MYO3B: variants seen among roughly 807,000 people sequenced by gnomAD.
MYO3B encodes the protein myosin-IIIb.
A neutral mutation model predicts 174.6 loss-of-function variants in MYO3B; 156 were observed. The observed-to-expected ratio is 0.89, with a 90% CI of 0.78 to 1.02. The LOEUF (loss-of-function observed/expected upper bound fraction) is 1.02. Ranked by LOEUF, MYO3B falls within the 50% of genes least tolerant of loss-of-function variation. The pLI, the probability that MYO3B is intolerant of heterozygous loss-of-function variation, is 0.00. For missense variants in MYO3B, 1,632 were observed against 1,639.4 expected, an observed-to-expected ratio of 1.00 and a Z score of 0.08; for synonymous variants, 563 against 569.1, an observed-to-expected ratio of 0.99 and a Z score of 0.15.
chr2:170,498,734 C>A, intron 26 of MYO3B, 31 bp downstream of exon 26: 2 of 1,396,942 alleles, frequency 1.4e-6, no homozygotes, highest in Non-Finnish European at 2.0e-6. Flanking sequence ...CAAATTGTCC[C>A]GTATGATTTC....
intron 8 of MYO3B, among the ~76,000 whole-genome samples, chr2:170,365,989 G>A (rs2094195231): frequency 6.6e-6 from 1 of 152,126 alleles, no homozygotes; most frequent in African/African-American, 2.4e-5. Flanking sequence ...TCTTTGTTTT[G>A]CGTTAAATGA....
intron 22 of MYO3B, among the ~76,000 whole-genome samples, chr2:170,426,870 T>A (rs1213887910): frequency 6.6e-6 from 1 of 151,792 alleles, no homozygotes; most frequent in Non-Finnish European, 1.5e-5. Context: ...ATACAAAAAA[T>A]TAGCCAGGCG....
At chr2:170,624,636 C>A (rs1473650733) in intron 32 of MYO3B, among the ~76,000 whole-genome samples, 2 of 152,140 alleles carry the variant, frequency 1.3e-5, no homozygotes, top group African/African-American at 2.4e-5. Flanking sequence ...GCATCCTTGT[C>A]TTGTGCCAGC....
intron 8 of MYO3B, among the ~76,000 whole-genome samples, chr2:170,337,324 C>G (rs796947065): frequency 9.9e-5 from 15 of 152,222 alleles, no homozygotes; most frequent in African/African-American, 3.4e-4. Context: ...TTTTCCTTTT[C>G]ATTTCATTGC....
In MYO3B at chr2:170,542,832, A is replaced by G. The variant is rs1690205645; in HGVS notation, c.3576-74A>G. 2.5e-6 allele frequency: 3 copies of G among 1,180,122 alleles called. No individual in the cohort carries two copies. In the Admixed American group the frequency reaches 6.4e-5, roughly 25 times the overall value. The allele number at this position is 1,180,122 out of a possible 1,614,324, so 73.1% of individuals were successfully genotyped here. A position where few individuals can be genotyped will look rare whatever the true frequency, so the allele number is the denominator to read the frequency against. ...GTATGTTTTGATATATCTTTGAAGA[A>G]AAACAGTCCTCTCTAAGTTTTTCTA... On this transcript the variant is annotated intron_variant, in intron 30 of 34. Transcript: ENST00000408978.
At chr2:170,454,340 A>G (rs1683785474) in intron 23 of MYO3B, among the ~76,000 whole-genome samples, 1 of 152,180 alleles carries the variant, frequency 6.6e-6, no homozygotes, top group Admixed American at 6.5e-5. Context: ...TCAGACACCG[A>G]TAATGGGGCT....
At chr2:170,312,664 TAGCTA>T (rs1455272822) in intron 7 of MYO3B, among the ~76,000 whole-genome samples, 1 of 152,242 alleles carries the variant, frequency 6.6e-6, no homozygotes, top group East Asian at 1.9e-4. Flanking sequence ...ATTTTGCAAT[TAGCTA>T]AGGATAAGGG....
intron 7 of MYO3B, among the ~76,000 whole-genome samples, chr2:170,264,186 C>T (rs1301098033): frequency 6.6e-6 from 1 of 152,210 alleles, no homozygotes; most frequent in Non-Finnish European, 1.5e-5. Flanking sequence ...AAAATGGAGT[C>T]TCTTATGTCT....
At chr2:170,280,800 A>G (rs958331603) in intron 7 of MYO3B, among the ~76,000 whole-genome samples, 1 of 151,880 alleles carries the variant, frequency 6.6e-6, no homozygotes. Flanking sequence ...GTGCGGCCTT[A>G]TTTCTGGGCT....
intron 28 of MYO3B, among the ~76,000 whole-genome samples, chr2:170,506,709 A>C (rs1687642576): frequency 6.6e-6 from 1 of 152,202 alleles, no homozygotes; most frequent in East Asian, 1.9e-4. Context: ...AAAGAGTACA[A>C]ATTATTATAA....
chr2:170,573,848 C>G (rs1299241176), intron 32 of MYO3B, among the ~76,000 whole-genome samples: 2 of 152,014 alleles, frequency 1.3e-5, no homozygotes, highest in African/African-American at 2.4e-5. Flanking sequence ...TTTTTCCCTC[C>G]CTAGTCATTC....
chr2:170,624,512 C>A (rs1173425526), intron 32 of MYO3B, among the ~76,000 whole-genome samples: 1 of 152,192 alleles, frequency 6.6e-6, no homozygotes, highest in Non-Finnish European at 1.5e-5. Flanking sequence ...CATCTGCAAA[C>A]AGGGACGATT....
At chr2:170,326,262 T>C (rs924231879) in intron 7 of MYO3B, among the ~76,000 whole-genome samples, 1 of 152,124 alleles carries the variant, frequency 6.6e-6, no homozygotes, top group Non-Finnish European at 1.5e-5. Flanking sequence ...CAGAATTTGA[T>C]GATGGAAAAG....
At chr2:170,646,947 T>C (rs575024538) in intron 32 of MYO3B, 2 of 1,344,156 alleles carry the variant, frequency 1.5e-6, no homozygotes, top group Middle Eastern at 2.1e-4. Context: ...TGGGTATATA[T>C]CTTTCAATTG....
chr2:170,380,824 G>A (rs924535291), intron 9 of MYO3B, among the ~76,000 whole-genome samples: 2 of 152,120 alleles, frequency 1.3e-5, no homozygotes, highest in Non-Finnish European at 2.9e-5. Context: ...GATCAACATA[G>A]GACTGAGTAG....
At chr2:170,187,700 G>A (rs1012533335) in intron 1 of MYO3B, among the ~76,000 whole-genome samples, 1 of 152,046 alleles carries the variant, frequency 6.6e-6, no homozygotes, top group Non-Finnish European at 1.5e-5. Context: ...ACACTTTTAT[G>A]TTTCCTTCTT....
At position 170,200,189 on chromosome 2, in the gene MYO3B, C is replaced by A. The variant is rs760413801; in HGVS notation, c.226C>A (p.Gln76Lys). The change falls in exon 3 of 35, where the codon CAG (glutamine) becomes AAG (lysine). Residue 76 changes from glutamine (Q) to lysine (K), a missense_variant. By Grantham distance (53) the Gln-to-Lys change is moderately conservative. Transcript: ENST00000408978. Reference protein sequence around the residue: ...EEIEAEYNILQFLPNHPNVVK... With the variant: ...EEIEAEYNILKFLPNHPNVVK... ...AATTGAGGCAGAATACAACATTTTGCAGTTCCTTCCTAATCATCCCAATGT... is the reference window on the plus strand; with the variant it reads ...AATTGAGGCAGAATACAACATTTTGAAGTTCCTTCCTAATCATCCCAATGT... The A allele has an allele frequency of 6.2e-7, 1 of 1,613,416 alleles. No individual in the cohort carries two copies. Among genetic ancestry groups the A allele is most frequent in the South Asian group, 1.1e-5 (1 of 91,004 alleles).
intron 25 of MYO3B, among the ~76,000 whole-genome samples, chr2:170,482,026 T>G (rs889134654): frequency 6.6e-6 from 1 of 152,190 alleles, no homozygotes; most frequent in Non-Finnish European, 1.5e-5. Context: ...TCCCATGTGT[T>G]GTGGGAGGAA....
chr2:170,366,231 G>A (rs1276210756), intron 8 of MYO3B, among the ~76,000 whole-genome samples: 7 of 152,070 alleles, frequency 4.6e-5, no homozygotes, highest in East Asian at 3.8e-4. Context: ...GGTTTATCAC[G>A]CAGACATTCA....
Sources: allele counts gnomAD v4.1 joint callset (sites outside exome capture counted in the v4.1 genomes callset), GRCh38; gene constraint gnomAD v4.1.1; transcripts MANE v1.5; gene names NCBI Gene and HGNC (gene_info 2026-07-23, HGNC 2026-07-21).